AHCTF1: variants seen among roughly 807,000 people sequenced by gnomAD.
The protein encoded by AHCTF1 is protein ELYS.
AHCTF1 carries 24 observed loss-of-function variants against 248.4 expected under a neutral mutation model. That is an observed-to-expected ratio of 0.10 (90% CI 0.07 to 0.14). The LOEUF (loss-of-function observed/expected upper bound fraction) is 0.14, where lower values mean the gene tolerates loss of function less well. AHCTF1 is among the 10% of genes least tolerant of loss of function. The pLI, the probability that AHCTF1 is intolerant of heterozygous loss-of-function variation, is 1.00. For synonymous variants in AHCTF1, 786 were observed against 929.8 expected (o/e 0.85, Z 2.81); for missense variants, 2,206 against 2,636.2 (o/e 0.84, Z 3.57).
intron 30 of AHCTF1, among the ~76,000 whole-genome samples, chr1:246,856,737 T>A (rs1661134023): frequency 6.6e-6 from 1 of 152,252 alleles, no homozygotes; most frequent in South Asian, 2.1e-4. Flanking sequence ...ACTTTTTCCA[T>A]GCAGGCCTGG....
chr1:246,906,577 AC>A (rs1049671144), intron 5 of AHCTF1, among the ~76,000 whole-genome samples: 2 of 151,828 alleles, frequency 1.3e-5, no homozygotes, highest in Admixed American at 6.6e-5. Context: ...GTGAGACCCC[AC>A]CCCCCAAAAA....
At chr1:246,868,918 C>G (rs1021467622) in intron 24 of AHCTF1, among the ~76,000 whole-genome samples, 1 of 146,560 alleles carries the variant, frequency 6.8e-6, no homozygotes, top group Non-Finnish European at 1.5e-5. Flanking sequence ...GATCTCGGCT[C>G]ACTGCAAGTT....
Position 246,900,139 on chromosome 1 carries a change from C to A in AHCTF1, c.1358G>T (p.Arg453Ile). The change falls in exon 10 of 36, where the codon AGA becomes ATA. Residue 453 changes from arginine to isoleucine, a missense_variant. Physicochemically the swap from Arg to Ile is moderately conservative, Grantham distance 97 (BLOSUM62 -3). This residue lies in a region of AHCTF1 where 650 missense variants were observed against 870.8 expected (regional missense o/e 0.75). Coordinates refer to ENST00000648844, the MANE Select transcript of AHCTF1 (RefSeq NM_001323342.2). ...AGGAGGGACTCCTCTATTTAAACTTCTCTCATGTACTAATATATCCAAGAT... is the reference window on the plus strand; with the variant it reads ...AGGAGGGACTCCTCTATTTAAACTTATCTCATGTACTAATATATCCAAGAT... ...HGILDILVHE[R>I]SLNRGVPPSY... is the part of the protein sequence containing the mutation. The A allele has an allele frequency of 6.2e-7, 1 of 1,610,026 alleles. No homozygotes were observed. Among genetic ancestry groups the A allele is most frequent in the South Asian group, 1.1e-5 (1 of 90,086 alleles).
chr1:246,857,160 G>A (rs1558218047), intron 30 of AHCTF1, among the ~76,000 whole-genome samples: 1 of 152,186 alleles, frequency 6.6e-6, no homozygotes, highest in African/African-American at 2.4e-5. Context: ...TTATCTTGTT[G>A]CAGAACATAA....
At chr1:246,894,255 T>C (rs73144222) in intron 14 of AHCTF1, among the ~76,000 whole-genome samples, 4,010 of 152,300 alleles carry the variant, frequency 0.026, 179 homozygotes, top group African/African-American at 0.092. Context: ...AATTTTCTTT[T>C]GGGACATCTT....
At chr1:246,906,925 G>C (rs1016380089) in intron 5 of AHCTF1, among the ~76,000 whole-genome samples, 3 of 152,102 alleles carry the variant, frequency 2.0e-5, no homozygotes, top group Non-Finnish European at 2.9e-5. Context: ...ATGATGATTA[G>C]GAAGGTACTT....
chr1:246,918,616 T>C (rs1258041217), intron 1 of AHCTF1, among the ~76,000 whole-genome samples: 1 of 152,218 alleles, frequency 6.6e-6, no homozygotes, highest in Non-Finnish European at 1.5e-5. Context: ...TCCAGTGAGC[T>C]ATGATTGTGC....
At chr1:246,848,842 T>A (rs1336175674) in intron 33 of AHCTF1, among the ~76,000 whole-genome samples, 1 of 113,264 alleles carries the variant, frequency 8.8e-6, no homozygotes, top group Non-Finnish European at 1.7e-5. Context: ...AGAGTGAGAC[T>A]CTACCTCAAA....
intron 24 of AHCTF1, among the ~76,000 whole-genome samples, chr1:246,874,151 G>A (rs930054383): frequency 2.0e-5 from 3 of 151,662 alleles, no homozygotes; most frequent in African/African-American, 7.3e-5. Context: ...CATGACAAAG[G>A]GTGCCAAACT....
At position 246,863,945 on chromosome 1, in the gene AHCTF1, A is replaced by G; in HGVS notation, c.3519T>C (p.Leu1173=). 6.2e-7 allele frequency: 1 copy of G among 1,614,014 alleles called. No individual in the cohort carries two copies. Among genetic ancestry groups the G allele is most frequent in the South Asian group, 1.1e-5 (1 of 91,078 alleles). Residue 1173 remains leucine (L), a synonymous_variant, in exon 27 of 36, where the codon CTT becomes CTC. Coordinates refer to ENST00000648844, the MANE Select transcript of AHCTF1 (RefSeq NM_001323342.2). The part of the protein sequence containing the change: ...AISRASELHL[L]ETPLVVKKAK... Reference sequence around the variant, plus strand: ...TAACCTTAACTACAAGAGGAGTTTCAAGCAAATGTAATTCTGAAGCCCTGG... The same window carrying G: ...TAACCTTAACTACAAGAGGAGTTTCGAGCAAATGTAATTCTGAAGCCCTGG...
chr1:246,850,318 T>A lies in AHCTF1; in HGVS notation c.5688A>T (p.Val1896=), dbSNP rs1660611852. 6.2e-7 allele frequency: 1 copy of A among 1,613,948 alleles called. No individual in the cohort carries two copies. Among genetic ancestry groups the A allele is most frequent in the Non-Finnish European group, 8.5e-7 (1 of 1,179,844 alleles). The change falls in exon 33 of 36, where the codon GTA becomes GTT. Residue 1896 remains valine (V), a synonymous_variant. Coordinates refer to ENST00000648844, the MANE Select transcript of AHCTF1 (RefSeq NM_001323342.2). ...TTCTGATCATTCTGCTAGGACTTGT[T>A]ACCGTACTAACTTTTAGATCATTTA... The part of the protein sequence containing the change: ...EIINDLKVST[V]TSPSRMIRKL...
intron 4 of AHCTF1, among the ~76,000 whole-genome samples, chr1:246,910,332 T>C (rs1379500208): frequency 6.6e-6 from 1 of 152,242 alleles, no homozygotes; most frequent in African/African-American, 2.4e-5. Flanking sequence ...CAGACTGTAT[T>C]TGAATTCCAA....
chr1:246,855,680 C>T, intron 31 of AHCTF1, 50 bp downstream of exon 31: 2 of 1,458,726 alleles, frequency 1.4e-6, no homozygotes, highest in Non-Finnish European at 1.9e-6. Context: ...AAACTCTTCA[C>T]TCAAAACACA....
At chr1:246,898,885 C>T (rs562542569) in intron 11 of AHCTF1, among the ~76,000 whole-genome samples, 41 of 152,238 alleles carry the variant, frequency 2.7e-4, no homozygotes, top group African/African-American at 7.5e-4. Flanking sequence ...GTCAGGAGTT[C>T]GAGACCAGCC....
intron 24 of AHCTF1, 67 bp from the exon 25 acceptor site, chr1:246,867,878 A>G: frequency 2.6e-6 from 3 of 1,162,730 alleles, no homozygotes; most frequent in Non-Finnish European, 3.6e-6. Context: ...AAAGCATATG[A>G]AAGAATGATT....
Position 246,850,271 on chromosome 1 carries a change from T to A in AHCTF1, c.5735A>T (p.Asp1912Val), listed in dbSNP as rs1358142678. The change falls in exon 33 of 36, where the codon GAT becomes GTT. Residue 1912 changes from aspartate to valine, a missense_variant. Physicochemically the swap from Asp to Val is radical, Grantham distance 152. Around this residue, in one of 6 missense-constraint regions of AHCTF1, gnomAD observed 469 missense variants for 470.0 expected, o/e 1.00. Transcript: ENST00000648844. ...CTTATTTCCTGTATTTTCAGAAGCA[T>A]CTAAATTAGTACTTCTCAATTTTCT... ...MIRKLRSTNL[D>V]ASENTGNKQD... 5.0e-6 allele frequency: 8 copies of A among 1,613,864 alleles called. No individual in the cohort carries two copies. The highest frequency in any genetic ancestry group is 1.3e-5 in the African/African-American group (1 of 74,934).
chr1:246,853,767 T>A (rs1259175037), intron 31 of AHCTF1, among the ~76,000 whole-genome samples: 1 of 152,176 alleles, frequency 6.6e-6, no homozygotes, highest in Non-Finnish European at 1.5e-5. Flanking sequence ...AATCCTTTAG[T>A]GTTTAACAAC....
intron 13 of AHCTF1, 29 bp downstream of exon 13, chr1:246,895,806 A>C: frequency 6.5e-7 from 1 of 1,534,594 alleles, no homozygotes; most frequent in Non-Finnish European, 8.9e-7. Flanking sequence ...TAAAAATACC[A>C]AACATTTTAC....
At chr1:246,872,287 T>G (rs1418435684) in intron 24 of AHCTF1, among the ~76,000 whole-genome samples, 1 of 152,148 alleles carries the variant, frequency 6.6e-6, no homozygotes, top group Non-Finnish European at 1.5e-5. Flanking sequence ...TAACCCAAGC[T>G]GTCCAGCTGG....
Sources: gnomAD v4.1 joint callset for allele counts (sites outside exome capture counted in the v4.1 genomes callset) on GRCh38, gnomAD v4.1.1 for gene constraint, gnomAD v4.1.1 regional missense constraint, MANE v1.5 for transcripts, NCBI Gene and HGNC (gene_info 2026-07-23, HGNC 2026-07-21) for gene names.